The following FCMR variants were observed in gnomAD, a reference collection of about 807,000 sequenced individuals.
FCMR encodes the protein immunoglobulin mu Fc receptor.
In FCMR, 34 loss-of-function variants were observed where a neutral mutation model predicts 41.6. The ratio of observed to expected loss-of-function variants is 0.82; its 90% confidence interval spans 0.62 to 1.09. FCMR has a LOEUF of 1.09. FCMR is among the 50% of genes least tolerant of loss of function. The pLI is 0.00. For synonymous variants in FCMR, 209 were observed against 211.8 expected, an observed-to-expected ratio of 0.99 and a Z score of 0.12; for missense variants, 496 against 512.5, an observed-to-expected ratio of 0.97 and a Z score of 0.31.
intron 7 of FCMR, chr1:206,907,624 G>C (rs551925857): frequency 2.7e-6 from 2 of 743,620 alleles, no homozygotes; most frequent in East Asian, 2.6e-5. Context: ...CGAAGATGGC[G>C]GGGGTGCAGG....
Position 206,904,950 on chromosome 1 carries a change from A to C in FCMR, c.*69T>G. The C allele has an allele frequency of 6.5e-7, 1 of 1,530,260 alleles. No individual in the cohort carries two copies. The highest frequency in any genetic ancestry group is 9.0e-7 in the Non-Finnish European group (1 of 1,106,858). 94.8% of individuals were successfully genotyped at this position (1,530,260 alleles called of 1,614,324 possible). A position where few individuals can be genotyped will look rare whatever the true frequency, so the allele number is the denominator to read the frequency against. ...AGAACACATGAAGCAGGTATTGGACATCAGCAGATAGATGAGACTCCTTGG... is the reference window on the plus strand; with the variant it reads ...AGAACACATGAAGCAGGTATTGGACCTCAGCAGATAGATGAGACTCCTTGG... On this transcript the variant is annotated 3_prime_UTR_variant, in exon 8 of 8. Transcript: ENST00000367091.
chr1:206,912,671 A>G (rs775502873), intron 3 of FCMR, among the ~76,000 whole-genome samples: 3 of 152,200 alleles, frequency 2.0e-5, no homozygotes, highest in Non-Finnish European at 2.9e-5. Context: ...CACAAACATC[A>G]TTGCTTGTGG....
intron 3 of FCMR, 112 bp downstream of exon 3, chr1:206,912,817 C>G: frequency 1.3e-6 from 1 of 760,132 alleles, no homozygotes; most frequent in Non-Finnish European, 2.4e-6. Context: ...ACACCTAAGA[C>G]TCAGCTCAGC....
chr1:206,912,634 A>G (rs1678991795), intron 3 of FCMR, among the ~76,000 whole-genome samples: 1 of 152,228 alleles, frequency 6.6e-6, no homozygotes, highest in African/African-American at 2.4e-5. Context: ...AGTCATTCAT[A>G]AAAAGAGCTA....
chr1:206,911,528 C>G (rs1024316795), intron 4 of FCMR, among the ~76,000 whole-genome samples: 3 of 152,188 alleles, frequency 2.0e-5, no homozygotes, highest in African/African-American at 7.2e-5. Flanking sequence ...TCACTTCTTT[C>G]TACAGGATCA....
In FCMR at chr1:206,903,909, A is replaced by C. The variant is rs946291450; in HGVS notation, c.*1110T>G. 9 of 152,370 alleles carry C rather than the reference A, an allele frequency of 5.9e-5. No individual in the cohort carries two copies. The highest frequency in any genetic ancestry group is 2.2e-4 in the African/African-American group (9 of 41,458). 9.4% of individuals were successfully genotyped at this position (152,370 alleles called of 1,614,324 possible). On this transcript the variant is annotated 3_prime_UTR_variant, in exon 8 of 8. Coordinates refer to ENST00000367091, the MANE Select transcript of FCMR (RefSeq NM_005449.5). ...TCTATTTCTGGATGAATGCCCAGTG[A>C]GACTGTGTTGTACAGCTAGAAAAGG... is the stretch of plus-strand genomic sequence containing the variant.
chr1:206,906,160 A>G (rs1678636318), intron 7 of FCMR: 1 of 518,812 alleles, frequency 1.9e-6, no homozygotes, highest in Non-Finnish European at 3.9e-6. Context: ...CCTGGATCCC[A>G]GAACAGCTCA....
Position 206,909,828 on chromosome 1 carries a change from G to A in FCMR, c.882C>T (p.Arg294=), listed in dbSNP as rs528590548. Residue 294 remains arginine, a synonymous_variant, in exon 6 of 8, where the codon CGC becomes CGT. Transcript: ENST00000367091. This position sits in a 1 kb window ranked among gnomAD's most constrained non-coding sequence, Gnocchi z 5.0. ...GGGGCCTCTGGGAGCTCTCCAGGGC[G>A]CGCATCCTCACGGCCAGTCGGCGGG... ...RRARRLAVRM[R]ALESSQRPRG... is the part of the protein sequence containing the mutation. The A allele has an allele frequency of 1.1e-5, 16 of 1,402,240 alleles. No individual in the cohort carries two copies. The Admixed American group carries it at 2.9e-4, about 25-fold the overall frequency. 86.9% of individuals were successfully genotyped at this position (1,402,240 alleles called of 1,614,324 possible).
At chr1:206,913,158 A>T in intron 2 of FCMR, 116 bp from the exon 3 acceptor site, 1 of 785,782 alleles carries the variant, frequency 1.3e-6, no homozygotes, top group Non-Finnish European at 2.2e-6. Flanking sequence ...GGCAGGGTCC[A>T]CTGAAAGAAG....
chr1:206,915,278 G>A (rs992513043), intron 1 of FCMR, among the ~76,000 whole-genome samples: 10 of 152,154 alleles, frequency 6.6e-5, no homozygotes, highest in Non-Finnish European at 8.8e-5. Flanking sequence ...AAACCCGGGC[G>A]CCTGATGTAG....
Position 206,909,758 on chromosome 1 carries a change from A to G in FCMR, c.952T>C (p.Cys318Arg), listed in dbSNP as rs771946459. The change falls in exon 6 of 8, where the codon TGC becomes CGC. Residue 318 changes from cysteine to arginine, a missense_variant. Coordinates refer to ENST00000367091, the MANE Select transcript of FCMR (RefSeq NM_005449.5). The surrounding 1 kb of genome is among the most constrained non-coding windows in gnomAD (Gnocchi z 5.0). ...TCCGCTCCACGAGCGCGCCGCGGGCAGGCGCTGTAGATGTTGTTTTGGGAG... is the reference window on the plus strand; with the variant it reads ...TCCGCTCCACGAGCGCGCCGCGGGCGGGCGCTGTAGATGTTGTTTTGGGAG... ...PRSQNNIYSACPRRARGADAA... is the reference protein window; with the variant it reads ...PRSQNNIYSARPRRARGADAA... 1 of 1,464,148 alleles carries G rather than the reference A, an allele frequency of 6.8e-7. No homozygotes were observed. Among genetic ancestry groups the G allele is most frequent in the Non-Finnish European group, 8.9e-7 (1 of 1,117,330 alleles). 90.7% of individuals were successfully genotyped at this position (1,464,148 alleles called of 1,614,324 possible).
At chr1:206,908,033 A>T in intron 7 of FCMR, 1 of 1,273,116 alleles carries the variant, frequency 7.9e-7, no homozygotes, top group Non-Finnish European at 1.1e-6. Context: ...GCCTATCTGG[A>T]GCGCCTGGCT....
In FCMR at chr1:206,910,197, C is replaced by G. The variant is rs199632036; in HGVS notation, c.841+13G>C. The G allele has an allele frequency of 6.3e-7, 1 of 1,589,978 alleles. No homozygotes were observed. The highest frequency in any genetic ancestry group is 8.5e-7 in the Non-Finnish European group (1 of 1,170,152). ...GGCAGCTCAGCTCTCCCTACCGAAG[C>G]CCAGCCGCTCACCTTTCCTCCTTTC... On this transcript the variant is annotated intron_variant, in intron 5 of 7. Transcript: ENST00000367091.
At chr1:206,920,309 G>A (rs1291962955) in intron 1 of FCMR, among the ~76,000 whole-genome samples, 1 of 152,114 alleles carries the variant, frequency 6.6e-6, no homozygotes, top group African/African-American at 2.4e-5. Flanking sequence ...ACAAAATTTA[G>A]CCTGTCACGA....
chr1:206,920,444 G>A lies in FCMR; in HGVS notation c.37+1374C>T, dbSNP rs753234460. 1.4e-3 allele frequency among the ~76,000 whole-genome samples: 180 copies of A among 124,238 alleles called. 4 individuals are homozygous for A. Among genetic ancestry groups the A allele is most frequent in the Non-Finnish European group, 1.2e-3 (76 of 62,586 alleles). The allele number at this position is 124,238 out of a possible 152,430, so 81.5% of individuals were successfully genotyped here. On this transcript the variant is annotated intron_variant, in intron 1 of 7. Transcript: ENST00000367091. ...CACTCCAGTCGGGGCAACAGAGAGA[G>A]ACTCTGTCTCAAAAAAAAAAAAAAA...
chr1:206,912,954 G>A lies in FCMR; in HGVS notation c.462C>T (p.Ala154=). 1.2e-6 allele frequency: 2 copies of A among 1,612,988 alleles called. No individual in the cohort carries two copies. The highest frequency in any genetic ancestry group is 1.7e-6 in the Non-Finnish European group (2 of 1,178,984). Residue 154 remains alanine, a synonymous_variant, in exon 3 of 8, where the codon GCC becomes GCT. Coordinates refer to ENST00000367091, the MANE Select transcript of FCMR (RefSeq NM_005449.5). ...CTCTGGTTACGAATTTGGAAGAACT[G>A]GCATATGCAGGCATCTGGAACAAAT... is the stretch of plus-strand genomic sequence containing the variant. ...LPYLFQMPAY[A]SSSKFVTRVT...
intron 7 of FCMR, among the ~76,000 whole-genome samples, chr1:206,908,649 C>T (rs1294423571): frequency 1.3e-5 from 2 of 151,840 alleles, no homozygotes; most frequent in Non-Finnish European, 1.5e-5. Flanking sequence ...GGAAGATGTG[C>T]GACCAAGGGG....
intron 5 of FCMR, 139 bp downstream of exon 5, chr1:206,910,071 C>A: frequency 8.6e-7 from 1 of 1,163,354 alleles, no homozygotes; most frequent in Non-Finnish European, 1.2e-6. Context: ...AGACCAGTGG[C>A]CCCCACTTCC....
rs547021719 is a variant in FCMR at position 206,904,813 on chromosome 1, C to A, written c.*206G>T. On this transcript the variant is annotated 3_prime_UTR_variant, in exon 8 of 8. Coordinates refer to ENST00000367091, the MANE Select transcript of FCMR (RefSeq NM_005449.5). ...TACATGCCTACAGCTTACCTGTCAACTACAGGGGGCTGCCAAGGTGTGCAA... is the reference window on the plus strand; with the variant it reads ...TACATGCCTACAGCTTACCTGTCAAATACAGGGGGCTGCCAAGGTGTGCAA... 297 of 581,392 alleles carry A rather than the reference C, an allele frequency of 5.1e-4. No individual in the cohort carries two copies. Among genetic ancestry groups the A allele is most frequent in the Admixed American group, 4.1e-4 (14 of 33,788 alleles). The allele number at this position is 581,392 out of a possible 1,614,324, so 36.0% of individuals were successfully genotyped here.
Sources: allele counts gnomAD v4.1 joint callset (sites outside exome capture counted in the v4.1 genomes callset), GRCh38; gene constraint gnomAD v4.1.1; non-coding constraint Gnocchi (gnomAD v3.1); transcripts MANE v1.5; gene names NCBI Gene and HGNC (gene_info 2026-07-23, HGNC 2026-07-21).